The following CDH13 variants were observed in gnomAD, a reference collection of about 807,000 sequenced individuals.
CDH13 encodes cadherin 13.
CDH13 carries 24 observed loss-of-function variants against 63.8 expected under a neutral mutation model. That is an observed-to-expected ratio of 0.38 (90% CI 0.27 to 0.53). The LOEUF is 0.53. Ranked by LOEUF, CDH13 falls within the 20% of genes least tolerant of loss-of-function variation. CDH13 has a pLI of 0.85. For synonymous variants in CDH13, 503 were observed against 355.3 expected, an observed-to-expected ratio of 1.42 and a Z score of -4.67; for missense variants, 1,049 against 903.1, an observed-to-expected ratio of 1.16 and a Z score of -2.07.
At chr16:83,056,935 G>T (rs941330213) in intron 3 of CDH13, among the ~76,000 whole-genome samples, 1 of 152,068 alleles carries the variant, frequency 6.6e-6, no homozygotes, top group East Asian at 1.9e-4. Flanking sequence ...ATGTGGAACT[G>T]TGAGTCCATT....
At chr16:83,781,193 C>T (rs1915496160) in intron 12 of CDH13, among the ~76,000 whole-genome samples, 1 of 152,224 alleles carries the variant, frequency 6.6e-6, no homozygotes. Flanking sequence ...CAACTTCTAT[C>T]ACTTGCCTTA....
chr16:82,737,214 C>G (rs2033717012), intron 1 of CDH13, among the ~76,000 whole-genome samples: 3 of 152,208 alleles, frequency 2.0e-5, no homozygotes, highest in African/African-American at 7.2e-5. Context: ...CAAACTCATT[C>G]TGACTAATTT....
intron 2 of CDH13, among the ~76,000 whole-genome samples, chr16:82,898,578 C>T (rs1194425168): frequency 6.6e-6 from 1 of 152,136 alleles, no homozygotes; most frequent in Admixed American, 6.5e-5. Flanking sequence ...TAGCACTGGT[C>T]TCATGGATGA....
chr16:82,840,356 G>C (rs1285458709), intron 1 of CDH13, among the ~76,000 whole-genome samples: 1 of 150,092 alleles, frequency 6.7e-6, no homozygotes, highest in Non-Finnish European at 1.5e-5. Flanking sequence ...GTGGGCTAAA[G>C]AGGGAGGGCC....
At chr16:83,353,373 T>C (rs1054057370) in intron 6 of CDH13, among the ~76,000 whole-genome samples, 3 of 151,630 alleles carry the variant, frequency 2.0e-5, no homozygotes, top group African/African-American at 7.3e-5. Flanking sequence ...GCCCCCACCC[T>C]GATGGGCACC....
intron 5 of CDH13, among the ~76,000 whole-genome samples, chr16:83,339,075 T>C (rs1485098985): frequency 6.6e-6 from 1 of 152,052 alleles, no homozygotes; most frequent in Non-Finnish European, 1.5e-5. Context: ...GTAGCCCTGG[T>C]GAGAAGTGAC....
intron 1 of CDH13, chr16:82,844,354 A>C (rs1009615477): frequency 6.6e-6 from 1 of 151,988 alleles, no homozygotes; most frequent in Non-Finnish European, 1.5e-5. Context: ...AAGGTAATAA[A>C]ACTCTGGGAG....
chr16:83,480,716 C>T (rs1454365550), intron 6 of CDH13, among the ~76,000 whole-genome samples: 5 of 152,188 alleles, frequency 3.3e-5, no homozygotes, highest in Non-Finnish European at 7.3e-5. Context: ...GTCCTGGAAT[C>T]CCCTCAGTCC....
chr16:82,887,368 T>C (rs2040926792), intron 2 of CDH13, among the ~76,000 whole-genome samples: 1 of 152,216 alleles, frequency 6.6e-6, no homozygotes, highest in Non-Finnish European at 1.5e-5. Flanking sequence ...GGCATTTTCA[T>C]TCATTGTTGT....
intron 6 of CDH13, among the ~76,000 whole-genome samples, chr16:83,445,141 C>T (rs111909740): frequency 0.015 from 2,284 of 152,092 alleles, 60 homozygotes; most frequent in African/African-American, 0.052. Flanking sequence ...CCTTCCATGC[C>T]AGCTACTACT....
chr16:83,690,836 C>G (rs1293779639), intron 10 of CDH13, among the ~76,000 whole-genome samples: 1 of 152,138 alleles, frequency 6.6e-6, no homozygotes, highest in Non-Finnish European at 1.5e-5. Flanking sequence ...ATTCTCGTGA[C>G]TCAGCCTCTG....
chr16:82,932,753 A>G (rs1427657598), intron 2 of CDH13, among the ~76,000 whole-genome samples: 1 of 152,234 alleles, frequency 6.6e-6, no homozygotes, highest in Non-Finnish European at 1.5e-5. Flanking sequence ...GATACTTTTC[A>G]TAACAAATTC....
intron 2 of CDH13, among the ~76,000 whole-genome samples, chr16:83,012,629 C>A (rs1298921166): frequency 1.3e-5 from 2 of 152,034 alleles, no homozygotes; most frequent in African/African-American, 4.8e-5. Context: ...GGGAAACAGA[C>A]CTTGAAGACA....
At chr16:82,960,847 G>T (rs773512114) in intron 2 of CDH13, among the ~76,000 whole-genome samples, 2 of 152,086 alleles carry the variant, frequency 1.3e-5, no homozygotes, top group East Asian at 3.9e-4. Context: ...ATACAAATAA[G>T]TCTATTGTGA....
At chr16:82,927,543 T>C (rs1567668427) in intron 2 of CDH13, among the ~76,000 whole-genome samples, 1 of 152,176 alleles carries the variant, frequency 6.6e-6, no homozygotes, top group Admixed American at 6.5e-5. Flanking sequence ...CATTTTCTCT[T>C]CCTATAACTA....
At chr16:83,632,813 G>T (rs1267789243) in intron 8 of CDH13, among the ~76,000 whole-genome samples, 1 of 116,996 alleles carries the variant, frequency 8.5e-6, no homozygotes, top group African/African-American at 3.2e-5. Context: ...AGCATGAGCT[G>T]CTAGTTGGCC....
intron 3 of CDH13, among the ~76,000 whole-genome samples, chr16:83,035,948 T>G (rs1916811460): frequency 6.6e-6 from 1 of 152,148 alleles, no homozygotes; most frequent in Non-Finnish European, 1.5e-5. Context: ...AACCCTGGGT[T>G]TATTCAAGTC....
intron 7 of CDH13, among the ~76,000 whole-genome samples, chr16:83,587,886 T>C (rs570373986): frequency 1.3e-5 from 2 of 152,136 alleles, no homozygotes; most frequent in South Asian, 2.1e-4. Flanking sequence ...CCCAGGGTCA[T>C]TGGAGCCAGC....
intron 7 of CDH13, among the ~76,000 whole-genome samples, chr16:83,586,942 A>G (rs80171936): frequency 0.034 from 5,206 of 152,232 alleles, 120 homozygotes; most frequent in Middle Eastern, 0.11. Flanking sequence ...AGTATAACCC[A>G]ATGACAGCAG....
Sources: gnomAD v4.1 joint callset for allele counts (sites outside exome capture counted in the v4.1 genomes callset) on GRCh38, gnomAD v4.1.1 for gene constraint, MANE v1.5 for transcripts, NCBI Gene and HGNC (gene_info 2026-07-23, HGNC 2026-07-21) for gene names.